Variants in EXOC6B observed in about 807,000 individuals in gnomAD.
EXOC6B encodes SEC15 homolog B.
Under a neutral mutation model 113.5 loss-of-function variants are expected in EXOC6B, and 54 were observed. The ratio of observed to expected loss-of-function variants is 0.48; its 90% CI spans 0.38 to 0.60. The LOEUF is 0.60. Ranked by LOEUF, EXOC6B falls within the 20% of genes least tolerant of loss-of-function variation. EXOC6B has a pLI of 0.00. For missense variants in EXOC6B, 797 were observed against 977.5 expected (o/e 0.82, Z 2.46); for synonymous variants, 357 against 339.0 (o/e 1.05, Z -0.58).
intron 21 of EXOC6B, 33 bp from the exon 22 acceptor site, chr2:72,179,494 G>A: frequency 6.2e-7 from 1 of 1,613,176 alleles, no homozygotes; most frequent in Non-Finnish European, 8.5e-7. Flanking sequence ...AGGGCAACAT[G>A]TTTGAGGAAA....
chr2:72,766,146 C>T (rs761768428), intron 1 of EXOC6B, among the ~76,000 whole-genome samples: 93 of 152,178 alleles, frequency 6.1e-4, no homozygotes, highest in Non-Finnish European at 7.3e-4. Context: ...TCCTAGTCAT[C>T]ACTCCAGGCT....
intron 6 of EXOC6B, among the ~76,000 whole-genome samples, chr2:72,707,899 T>C (rs74925759): frequency 6.6e-6 from 1 of 152,022 alleles, no homozygotes; most frequent in Admixed American, 6.6e-5. Context: ...AAGAAATATA[T>C]AGCAGATAAA....
At chr2:72,762,074 T>C (rs966993688) in intron 1 of EXOC6B, among the ~76,000 whole-genome samples, 1 of 151,722 alleles carries the variant, frequency 6.6e-6, no homozygotes, top group South Asian at 2.1e-4. Flanking sequence ...TAAAACCCCA[T>C]CTCTACAAAA....
At chr2:72,625,303 C>A (rs1488719129) in intron 6 of EXOC6B, among the ~76,000 whole-genome samples, 1 of 151,494 alleles carries the variant, frequency 6.6e-6, no homozygotes, top group East Asian at 1.9e-4. Context: ...CTAAAAAAGA[C>A]TTTCAGTACT....
At chr2:72,590,304 A>G (rs1473307075) in intron 6 of EXOC6B, among the ~76,000 whole-genome samples, 1 of 152,064 alleles carries the variant, frequency 6.6e-6, no homozygotes, top group African/African-American at 2.4e-5. Context: ...TAATATGAAT[A>G]ACATTGTAGT....
At chr2:72,477,961 C>T (rs1320816705) in intron 17 of EXOC6B, among the ~76,000 whole-genome samples, 1 of 151,920 alleles carries the variant, frequency 6.6e-6, no homozygotes, top group Admixed American at 6.6e-5. Flanking sequence ...AAAATATAAG[C>T]TCTGTAAAGT....
chr2:72,624,389 G>A (rs1461395054), intron 6 of EXOC6B, among the ~76,000 whole-genome samples: 1 of 152,032 alleles, frequency 6.6e-6, no homozygotes, highest in East Asian at 1.9e-4. Context: ...GTGAGCCACT[G>A]CACCTGGCAT....
At chr2:72,202,645 C>A (rs906225090) in intron 20 of EXOC6B, among the ~76,000 whole-genome samples, 6 of 145,938 alleles carry the variant, frequency 4.1e-5, no homozygotes, top group African/African-American at 7.5e-5. Context: ...GAGAAAAAAA[C>A]CTATTTTTTT....
intron 5 of EXOC6B, among the ~76,000 whole-genome samples, chr2:72,721,146 T>G (rs762815732): frequency 2.1e-4 from 32 of 151,740 alleles, no homozygotes; most frequent in Non-Finnish European, 4.4e-4. Context: ...CTAGGCAACA[T>G]GGTGAAACCT....
chr2:72,327,207 T>C (rs542565297), intron 20 of EXOC6B, among the ~76,000 whole-genome samples: 8 of 152,130 alleles, frequency 5.3e-5, no homozygotes, highest in South Asian at 4.1e-4. Flanking sequence ...CCACATACAA[T>C]TGTGCAAAGA....
intron 1 of EXOC6B, among the ~76,000 whole-genome samples, chr2:72,801,243 G>A (rs533918808): frequency 6.6e-6 from 1 of 152,214 alleles, no homozygotes; most frequent in African/African-American, 2.4e-5. Context: ...ACTGTACCTT[G>A]TCCTTTTAAA....
chr2:72,434,196 T>C (rs563638945), intron 18 of EXOC6B, among the ~76,000 whole-genome samples: 2 of 152,234 alleles, frequency 1.3e-5, no homozygotes, highest in Non-Finnish European at 2.9e-5. Context: ...GTTTATATGA[T>C]GAATTACATT....
intron 6 of EXOC6B, among the ~76,000 whole-genome samples, chr2:72,625,068 G>C (rs1049700209): frequency 4.1e-5 from 6 of 147,728 alleles, no homozygotes; most frequent in African/African-American, 1.0e-4. Flanking sequence ...TTTTTTTTGG[G>C]GGGGGGGTGG....
intron 11 of EXOC6B, among the ~76,000 whole-genome samples, chr2:72,503,487 T>C (rs941580417): frequency 6.6e-6 from 1 of 152,196 alleles, no homozygotes; most frequent in Non-Finnish European, 1.5e-5. Context: ...TTTAGCAATA[T>C]GCATTTAAGG....
intron 1 of EXOC6B, among the ~76,000 whole-genome samples, chr2:72,768,344 T>C (rs1447347435): frequency 4.2e-5 from 6 of 143,630 alleles, no homozygotes; most frequent in African/African-American, 1.5e-4. Flanking sequence ...CAGGCTGGAG[T>C]GCAATGGTGC....
At chr2:72,626,315 T>C (rs1184455765) in intron 6 of EXOC6B, among the ~76,000 whole-genome samples, 2 of 152,126 alleles carry the variant, frequency 1.3e-5, no homozygotes, top group East Asian at 1.9e-4. Flanking sequence ...CTAATTGTAT[T>C]TGGAGTTCAT....
Position 72,334,996 on chromosome 2 carries a change from G to T in EXOC6B, c.2147C>A (p.Pro716His). 2 of 1,613,374 alleles carry T rather than the reference G, an allele frequency of 1.2e-6. No individual in the cohort carries two copies. Among genetic ancestry groups the T allele is most frequent in the Non-Finnish European group, 1.7e-6 (2 of 1,179,498 alleles). The change falls in exon 20 of 22, where the codon CCT becomes CAT. Residue 716 changes from proline (P) to histidine (H), a missense_variant. Coordinates refer to ENST00000272427, the MANE Select transcript of EXOC6B (RefSeq NM_015189.3). ...CTGCAGCGTGTCCTCCTGGAACCCA[G>T]GCACCGGGCCGGATCTGGCAAACTC... ...CEQFARSGPV[P>H]GFQEDTLQLA...
At chr2:72,736,123 T>A (rs768730841) in intron 2 of EXOC6B, among the ~76,000 whole-genome samples, 3 of 150,848 alleles carry the variant, frequency 2.0e-5, no homozygotes, top group Non-Finnish European at 4.4e-5. Context: ...AGGCAAAGTT[T>A]GCAGTGAGCC....
intron 6 of EXOC6B, among the ~76,000 whole-genome samples, chr2:72,691,784 C>T (rs1161396034): frequency 1.3e-5 from 2 of 150,756 alleles, no homozygotes; most frequent in African/African-American, 2.4e-5. Context: ...TCAGTTCAAA[C>T]GATTCTCCTG....
Sources: gnomAD v4.1 joint callset for allele counts (sites outside exome capture counted in the v4.1 genomes callset) on GRCh38, gnomAD v4.1.1 for gene constraint, MANE v1.5 for transcripts, NCBI Gene and HGNC (gene_info 2026-07-23, HGNC 2026-07-21) for gene names.